The following AGBL4 variants were observed in gnomAD, a reference collection of about 807,000 sequenced individuals.
The protein encoded by AGBL4 is AGBL carboxypeptidase 4, also known as cytosolic carboxypeptidase 6.
In AGBL4, 58 loss-of-function variants were observed where a neutral mutation model predicts 66.4. That is an observed-to-expected ratio of 0.87 (90% confidence interval 0.71 to 1.09). AGBL4 has a LOEUF of 1.09. Among genes scored for constraint, AGBL4 ranks in the 50% least tolerant of loss-of-function variants. The pLI, the probability that AGBL4 is intolerant of heterozygous loss-of-function variation, is 0.00. For missense variants in AGBL4, 579 were observed against 631.0 expected (o/e 0.92, Z 0.88); for synonymous variants, 234 against 222.9 (o/e 1.05, Z -0.44).
chr1:49,783,160 G>T (rs1644375881), intron 2 of AGBL4, among the ~76,000 whole-genome samples: 1 of 151,844 alleles, frequency 6.6e-6, no homozygotes, highest in South Asian at 2.1e-4. Flanking sequence ...CCCAGTCTAT[G>T]GTATTTTATT....
At chr1:49,234,502 G>C (rs564245507) in intron 4 of AGBL4, among the ~76,000 whole-genome samples, 3 of 152,318 alleles carry the variant, frequency 2.0e-5, no homozygotes, top group African/African-American at 7.2e-5. Flanking sequence ...ATATAAAAGA[G>C]CATTGGTGTA....
chr1:50,016,681 A>G (rs1662010346), intron 1 of AGBL4, among the ~76,000 whole-genome samples: 1 of 152,234 alleles, frequency 6.6e-6, no homozygotes. Context: ...GCCAACAAGC[A>G]TATGATAAAT....
chr1:48,619,190 T>C (rs904803303), intron 9 of AGBL4, among the ~76,000 whole-genome samples: 15 of 152,220 alleles, frequency 9.9e-5, no homozygotes, highest in African/African-American at 3.6e-4. Context: ...TTTTCATTTG[T>C]TCTGCCATTC....
At position 49,806,349 on chromosome 1, in the gene AGBL4, C is replaced by T. The variant is rs556993920; in HGVS notation, c.157+45047G>A. ...GAACTTGGCTTAATTGTGTCTGTGT[C>T]CTAGTATTTTGTTGAAGTATTTCTG... On this transcript the variant is annotated intron_variant, in intron 2 of 13. Coordinates refer to ENST00000371839, the MANE Select transcript of AGBL4 (RefSeq NM_032785.4). Among the ~76,000 whole-genome samples the T allele has an allele frequency of 1.3e-4, 20 of 152,190 alleles. 1 individual carries two copies. The South Asian group carries it at 3.9e-3, about 30-fold the overall frequency.
At chr1:48,553,088 A>G (rs558900602) in intron 11 of AGBL4, among the ~76,000 whole-genome samples, 2 of 152,032 alleles carry the variant, frequency 1.3e-5, no homozygotes, top group African/African-American at 4.8e-5. Flanking sequence ...CCACACTATC[A>G]CTTGCCTCAT....
At chr1:48,586,534 T>C (rs1036263791) in intron 11 of AGBL4, 1 of 163,584 alleles carries the variant, frequency 6.1e-6, no homozygotes, top group African/African-American at 2.4e-5. Context: ...GGGGAAATAG[T>C]GAGTAGAGGG....
chr1:48,840,542 AC>A, intron 6 of AGBL4, among the ~76,000 whole-genome samples: 1 of 152,200 alleles, frequency 6.6e-6, no homozygotes, highest in South Asian at 2.1e-4. Context: ...ATATCATTAG[AC>A]ATTAGGGAAA....
At chr1:49,762,111 G>T (rs1013192490) in intron 2 of AGBL4, among the ~76,000 whole-genome samples, 2 of 152,142 alleles carry the variant, frequency 1.3e-5, no homozygotes, top group Non-Finnish European at 2.9e-5. Flanking sequence ...GGATTCCTGG[G>T]TCATATGGCA....
intron 1 of AGBL4, among the ~76,000 whole-genome samples, chr1:50,010,504 C>T (rs1047965585): frequency 1.4e-5 from 2 of 144,908 alleles, no homozygotes; most frequent in African/African-American, 2.6e-5. Context: ...ACAACAGAGC[C>T]AAAGCTATCC....
intron 2 of AGBL4, among the ~76,000 whole-genome samples, chr1:49,800,724 C>T (rs1414759082): frequency 3.0e-5 from 3 of 101,464 alleles, no homozygotes; most frequent in Non-Finnish European, 6.0e-5. Flanking sequence ...CATAGTATTC[C>T]ATGGTGTATA....
intron 6 of AGBL4, among the ~76,000 whole-genome samples, chr1:48,712,624 C>T (rs1292753359): frequency 6.6e-6 from 1 of 152,206 alleles, no homozygotes; most frequent in African/African-American, 2.4e-5. Context: ...AGCTGCAGGC[C>T]TAGCACCCAG....
chr1:49,081,313 A>T (rs1571399626), intron 4 of AGBL4, among the ~76,000 whole-genome samples: 1 of 152,222 alleles, frequency 6.6e-6, no homozygotes, highest in East Asian at 1.9e-4. Flanking sequence ...CATACAAGGG[A>T]TAAAGTCCCA....
At chr1:48,849,385 T>G (rs1646984107) in intron 6 of AGBL4, among the ~76,000 whole-genome samples, 1 of 152,212 alleles carries the variant, frequency 6.6e-6, no homozygotes, top group South Asian at 2.1e-4. Flanking sequence ...TAAGCTGACA[T>G]TTTGAAAAAG....
chr1:48,811,102 C>T (rs1484139627), intron 6 of AGBL4, among the ~76,000 whole-genome samples: 1 of 149,762 alleles, frequency 6.7e-6, no homozygotes, highest in Admixed American at 6.7e-5. Context: ...CTCTCTGGCT[C>T]TGTCGCCAAC....
chr1:49,456,328 G>A (rs746099067), intron 3 of AGBL4, among the ~76,000 whole-genome samples: 4 of 151,676 alleles, frequency 2.6e-5, no homozygotes, highest in Non-Finnish European at 4.4e-5. Context: ...ACCTACATTT[G>A]ATCAGGATTT....
chr1:49,743,745 C>T (rs1226472236), intron 2 of AGBL4, among the ~76,000 whole-genome samples: 1 of 152,030 alleles, frequency 6.6e-6, no homozygotes, highest in African/African-American at 2.4e-5. Context: ...GAGTTCACGT[C>T]CTTCGTAGGG....
At chr1:49,696,075 C>T (rs1313693288) in intron 3 of AGBL4, among the ~76,000 whole-genome samples, 1 of 151,990 alleles carries the variant, frequency 6.6e-6, no homozygotes, top group Non-Finnish European at 1.5e-5. Flanking sequence ...AGCTAAACTC[C>T]CTACTTTTTC....
intron 2 of AGBL4, among the ~76,000 whole-genome samples, chr1:49,760,244 T>G (rs1005428322): frequency 2.6e-5 from 4 of 152,150 alleles, no homozygotes; most frequent in Non-Finnish European, 4.4e-5. Flanking sequence ...ATTCTTTAGG[T>G]TGCCTGTTCA....
intron 3 of AGBL4, among the ~76,000 whole-genome samples, chr1:49,334,654 G>T (rs1412163298): frequency 6.6e-6 from 1 of 152,108 alleles, no homozygotes; most frequent in Admixed American, 6.6e-5. Flanking sequence ...TGAAGCCCAT[G>T]GTCTTCAATA....
Sources: allele counts gnomAD v4.1 joint callset (sites outside exome capture counted in the v4.1 genomes callset), GRCh38; gene constraint gnomAD v4.1.1; transcripts MANE v1.5; gene names NCBI Gene and HGNC (gene_info 2026-07-23, HGNC 2026-07-21).